The following STK24 variants were observed in gnomAD, a reference collection of about 807,000 sequenced individuals.
STK24 encodes the protein serine/threonine kinase 24, also known as serine/threonine-protein kinase 24.
In STK24, 21 loss-of-function variants were observed where a neutral mutation model predicts 55.6. The ratio of observed to expected loss-of-function variants is 0.38; its 90% confidence interval spans 0.27 to 0.54. The LOEUF (loss-of-function observed/expected upper bound fraction) is 0.54, where lower values mean the gene tolerates loss of function less well. Ranked by LOEUF, STK24 falls within the 20% of genes least tolerant of loss-of-function variation. STK24 has a pLI of 0.79. For synonymous variants in STK24, 200 were observed against 215.2 expected (o/e 0.93, Z 0.62); for missense variants, 383 against 538.4 (o/e 0.71, Z 2.86).
chr13:98,447,378 T>G lies in STK24; in HGVS notation c.*5795A>C, dbSNP rs977696142. The stretch of plus-strand genomic sequence containing the variant: ...GAAAAAGGAACCTAGAGGAGAGCCA[T>G]TCTCAAATCTGATCCTGGACTGAGC... On this transcript the variant is annotated 3_prime_UTR_variant, in exon 11 of 11. Coordinates refer to ENST00000539966, the MANE Select transcript of STK24 (RefSeq NM_001032296.4). The G allele has an allele frequency of 6.6e-6, 1 of 152,466 alleles. No homozygotes were observed. The highest frequency in any genetic ancestry group is 1.5e-5 in the Non-Finnish European group (1 of 68,286). The allele number at this position is 152,466 out of a possible 1,614,324, so 9.4% of individuals were successfully genotyped here.
intron 2 of STK24, among the ~76,000 whole-genome samples, chr13:98,488,158 A>G (rs1356517730): frequency 4.3e-5 from 3 of 69,566 alleles, no homozygotes; most frequent in African/African-American, 1.6e-4. Flanking sequence ...AAAAGAGATG[A>G]AGACACACAC....
chr13:98,464,205 CAGG>C (rs1205187573), intron 6 of STK24, among the ~76,000 whole-genome samples: 10 of 152,040 alleles, frequency 6.6e-5, no homozygotes, highest in Non-Finnish European at 1.5e-4. Context: ...ATCACGAGGT[CAGG>C]AGATCGAGAC....
At chr13:98,485,812 C>T (rs1894783132) in intron 2 of STK24, among the ~76,000 whole-genome samples, 1 of 152,244 alleles carries the variant, frequency 6.6e-6, no homozygotes, top group Non-Finnish European at 1.5e-5. Flanking sequence ...TGAAGGTCGG[C>T]CCGGGGGACC....
intron 2 of STK24, among the ~76,000 whole-genome samples, chr13:98,484,182 C>A (rs895100411): frequency 5.3e-5 from 8 of 152,228 alleles, no homozygotes; most frequent in Non-Finnish European, 4.4e-5. Context: ...TCATCTCACA[C>A]ACACGCTCGC....
intron 3 of STK24, among the ~76,000 whole-genome samples, chr13:98,481,768 G>A (rs1232465999): frequency 6.6e-6 from 1 of 152,082 alleles, no homozygotes; most frequent in Non-Finnish European, 1.5e-5. Context: ...AGACAGACAG[G>A]CATGAGCCAC....
chr13:98,567,627 C>T (rs959820609), intron 1 of STK24, among the ~76,000 whole-genome samples: 1 of 152,098 alleles, frequency 6.6e-6, no homozygotes, highest in Non-Finnish European at 1.5e-5. Flanking sequence ...TGTTTATTTA[C>T]AGGGAGAAAA....
At position 98,445,382 on chromosome 13, in the gene STK24, T is replaced by G. The variant is rs1355070743; in HGVS notation, c.*7791A>C. On this transcript the variant is annotated 3_prime_UTR_variant, in exon 11 of 11. Coordinates refer to ENST00000539966, the MANE Select transcript of STK24 (RefSeq NM_001032296.4). ...TGCGTCAGGCCTGCTCAGAGTTGTT[T>G]GGAGGTAGCATGGACACAGGTGCCT... 15 of 152,234 alleles carry G rather than the reference T, an allele frequency of 9.9e-5. No individual in the cohort carries two copies. The highest frequency in any genetic ancestry group is 3.4e-4 in the African/African-American group (14 of 41,442). The allele number at this position is 152,234 out of a possible 1,614,324, so 9.4% of individuals were successfully genotyped here.
chr13:98,535,369 AAATAT>A (rs757235186), intron 1 of STK24, among the ~76,000 whole-genome samples: 446 of 77,194 alleles, frequency 5.8e-3, no homozygotes, highest in South Asian at 0.014. Flanking sequence ...AACAAAAAAA[AAATAT>A]ATATATATAT....
intron 1 of STK24, among the ~76,000 whole-genome samples, chr13:98,574,791 A>G (rs1437779533): frequency 6.6e-6 from 1 of 152,236 alleles, no homozygotes; most frequent in Admixed American, 6.5e-5. Flanking sequence ...GTTGAGAGGC[A>G]AAGTTATTAA....
intron 1 of STK24, among the ~76,000 whole-genome samples, chr13:98,551,865 G>A (rs1480751580): frequency 6.6e-6 from 1 of 152,182 alleles, no homozygotes; most frequent in Non-Finnish European, 1.5e-5. Context: ...TCTTTGTTGA[G>A]AAATGAGCAT....
At position 98,472,667 on chromosome 13, in the gene STK24, TAA is replaced by T. The variant is rs1447687985; in HGVS notation, c.597+2152_597+2153del. 2.0e-5 allele frequency among the ~76,000 whole-genome samples: 3 copies of T among 152,224 alleles called. No individual in the cohort carries two copies. In the East Asian group the frequency reaches 5.8e-4, roughly 29 times the overall value. On this transcript the variant is annotated intron_variant, in intron 5 of 10. Coordinates refer to ENST00000539966, the MANE Select transcript of STK24 (RefSeq NM_001032296.4). The stretch of plus-strand genomic sequence containing the variant: ...CCTTTGAAGGCACTTAATTTTTTAA[TAA>T]GTTTGTAATACAACTTTTTTCCTCT...
rs1442904282 is a variant in STK24, at chr13:98,451,794, C to T, written c.*1379G>A. ...TGCACGAACCCTCCCACTCCAGAAA[C>T]CCAGAGATTTTCCCCCTCGCCAAGC... is the stretch of plus-strand genomic sequence containing the variant. On this transcript the variant is annotated 3_prime_UTR_variant, in exon 11 of 11. Coordinates refer to ENST00000539966, the MANE Select transcript of STK24 (RefSeq NM_001032296.4). 6.6e-6 allele frequency: 1 copy of T among 152,328 alleles called. No individual in the cohort carries two copies. Among genetic ancestry groups the T allele is most frequent in the East Asian group, 1.9e-4 (1 of 5,204 alleles). 9.4% of individuals were successfully genotyped at this position (152,328 alleles called of 1,614,324 possible).
intron 1 of STK24, among the ~76,000 whole-genome samples, chr13:98,558,771 A>G (rs527966909): frequency 1.3e-5 from 2 of 152,326 alleles, no homozygotes; most frequent in Non-Finnish European, 2.9e-5. Context: ...ATTTGGGAAC[A>G]GTCCACATAT....
intron 10 of STK24, 138 bp from the exon 11 acceptor site, chr13:98,453,347 T>TAA (rs2139230761): frequency 1.2e-6 from 1 of 827,656 alleles, no homozygotes. Context: ...TATCAATGTG[T>TAA]AAGTCTAATT....
At chr13:98,504,269 A>G (rs1895600986) in intron 2 of STK24, among the ~76,000 whole-genome samples, 1 of 152,206 alleles carries the variant, frequency 6.6e-6, no homozygotes, top group Admixed American at 6.5e-5. Flanking sequence ...CCCTTTAATA[A>G]TAAGAGAACA....
chr13:98,530,712 G>A (rs777650928), intron 1 of STK24, among the ~76,000 whole-genome samples: 12 of 152,190 alleles, frequency 7.9e-5, no homozygotes, highest in Non-Finnish European at 1.2e-4. Context: ...TAGCTTCTCA[G>A]TCAAATGGAC....
At chr13:98,510,618 G>A (rs947677613) in intron 2 of STK24, among the ~76,000 whole-genome samples, 12 of 152,228 alleles carry the variant, frequency 7.9e-5, no homozygotes, top group African/African-American at 2.9e-4. Flanking sequence ...GACACATGCT[G>A]CAACAGAGCC....
intron 1 of STK24, among the ~76,000 whole-genome samples, chr13:98,535,390 T>C (rs1376913850): frequency 8.8e-6 from 1 of 113,294 alleles, no homozygotes; most frequent in Non-Finnish European, 1.6e-5. Flanking sequence ...TATATATATA[T>C]GTGTGTATAC....
In STK24 at chr13:98,446,452, G is replaced by A. The variant is rs533597236; in HGVS notation, c.*6721C>T. The A allele has an allele frequency of 1.8e-5, 11 of 608,308 alleles. No homozygotes were observed. The highest frequency in any genetic ancestry group is 5.9e-5 in the Admixed American group (2 of 33,862). The allele number at this position is 608,308 out of a possible 1,614,324, so 37.7% of individuals were successfully genotyped here. A position where few individuals can be genotyped will look rare whatever the true frequency, so the allele number is the denominator to read the frequency against. On this transcript the variant is annotated 3_prime_UTR_variant, in exon 11 of 11. Coordinates refer to ENST00000539966, the MANE Select transcript of STK24 (RefSeq NM_001032296.4). ...CCTGTCTTCTGCCTGGACAAGGGAC[G>A]GGGGTTGGCTTTATCTACAGCTCAG...
Sources: allele counts gnomAD v4.1 joint callset (sites outside exome capture counted in the v4.1 genomes callset), GRCh38; gene constraint gnomAD v4.1.1; transcripts MANE v1.5; gene names NCBI Gene and HGNC (gene_info 2026-07-23, HGNC 2026-07-21).